Variants in COL11A1 observed in about 807,000 individuals in gnomAD.
COL11A1 encodes the protein collagen alpha-1(XI) chain.
Under a neutral mutation model 265.2 loss-of-function variants are expected in COL11A1, and 74 were observed. The ratio of observed to expected loss-of-function variants is 0.28; its 90% CI spans 0.23 to 0.34. The LOEUF (loss-of-function observed/expected upper bound fraction) is 0.34. Ranked by LOEUF, COL11A1 falls within the 10% of genes least tolerant of loss-of-function variation. The probability of loss-of-function intolerance (pLI) is 1.00; values close to 1 mark genes in which losing one functional copy is unlikely to be tolerated. For synonymous variants in COL11A1, 816 were observed against 727.6 expected (o/e 1.12, Z -1.96); for missense variants, 2,165 against 2,263.6 (o/e 0.96, Z 0.88).
chr1:103,077,109 A>T (rs1672034519), intron 3 of COL11A1, among the ~76,000 whole-genome samples: 1 of 152,150 alleles, frequency 6.6e-6, no homozygotes, highest in Non-Finnish European at 1.5e-5. Flanking sequence ...ACTACTAGGT[A>T]TTAACTGTAT....
chr1:103,021,995 C>T (rs569534739), intron 8 of COL11A1, among the ~76,000 whole-genome samples: 73 of 147,240 alleles, frequency 5.0e-4, no homozygotes, highest in Middle Eastern at 7.0e-3. Flanking sequence ...TACAGGCGCC[C>T]GCCACCACAC....
chr1:103,083,576 G>C (rs1174996881), intron 1 of COL11A1, among the ~76,000 whole-genome samples: 2 of 151,860 alleles, frequency 1.3e-5, no homozygotes, highest in African/African-American at 4.8e-5. Flanking sequence ...TTGAAAGAAA[G>C]GTGTTAAAAA....
chr1:102,939,238 G>T (rs1240501098), intron 43 of COL11A1, 150 bp from the exon 44 acceptor site: 7 of 711,976 alleles, frequency 9.8e-6, no homozygotes, highest in Non-Finnish European at 1.7e-5. Flanking sequence ...GGTTCCCACT[G>T]CTTCTAGCTT....
intron 4 of COL11A1, among the ~76,000 whole-genome samples, chr1:103,047,863 T>C (rs759103365): frequency 1.3e-5 from 2 of 152,212 alleles, no homozygotes; most frequent in Non-Finnish European, 2.9e-5. Context: ...GAGATAATCA[T>C]GTAGTTTTTG....
At chr1:103,098,124 C>T (rs537455151) in intron 1 of COL11A1, among the ~76,000 whole-genome samples, 1 of 152,020 alleles carries the variant, frequency 6.6e-6, no homozygotes, top group African/African-American at 2.4e-5. Context: ...AACCATTTGA[C>T]TTTAATACTG....
At chr1:102,898,355 T>A (rs952246987) in intron 56 of COL11A1, among the ~76,000 whole-genome samples, 177 bp from the exon 57 acceptor site, 1 of 151,838 alleles carries the variant, frequency 6.6e-6, no homozygotes, top group East Asian at 1.9e-4. Flanking sequence ...TATGTGTATA[T>A]GTCTATATTC....
At chr1:102,959,965 A>G (rs1418746663) in intron 41 of COL11A1, among the ~76,000 whole-genome samples, 4 of 152,158 alleles carry the variant, frequency 2.6e-5, no homozygotes, top group Non-Finnish European at 5.9e-5. Context: ...TAGAATCTGA[A>G]GGTCTGGTTA....
chr1:102,883,764 T>A (rs1302177554), intron 63 of COL11A1, among the ~76,000 whole-genome samples: 1 of 152,040 alleles, frequency 6.6e-6, no homozygotes, highest in African/African-American at 2.4e-5. Context: ...GGAGGTGATA[T>A]CGTATCTACT....
intron 41 of COL11A1, among the ~76,000 whole-genome samples, chr1:102,960,901 G>A (rs186152647): frequency 6.4e-4 from 97 of 152,158 alleles, no homozygotes; most frequent in African/African-American, 2.3e-3. Flanking sequence ...TATTCTATAG[G>A]TGAAACTGAC....
At chr1:103,044,124 T>A (rs956527124) in intron 4 of COL11A1, among the ~76,000 whole-genome samples, 1 of 151,234 alleles carries the variant, frequency 6.6e-6, no homozygotes, top group Non-Finnish European at 1.5e-5. Flanking sequence ...GCTTCCTGTC[T>A]ACTTAGAATT....
At chr1:103,029,009 G>A (rs1667776201) in intron 5 of COL11A1, among the ~76,000 whole-genome samples, 1 of 151,994 alleles carries the variant, frequency 6.6e-6, no homozygotes. Flanking sequence ...AAATTAAAAT[G>A]TGATGATATT....
At chr1:103,001,170 A>G (rs1665064468) in intron 24 of COL11A1, 2 of 397,680 alleles carry the variant, frequency 5.0e-6, no homozygotes, top group Middle Eastern at 6.2e-4. Flanking sequence ...CTGGAGTGGT[A>G]TAAGTATTCC....
intron 4 of COL11A1, among the ~76,000 whole-genome samples, chr1:103,042,171 G>A (rs1013819924): frequency 6.6e-6 from 1 of 151,764 alleles, no homozygotes; most frequent in Non-Finnish European, 1.5e-5. Context: ...TATTTATGGA[G>A]GCAAAGTATC....
chr1:102,997,773 A>G (rs886256491), intron 25 of COL11A1, among the ~76,000 whole-genome samples: 1 of 151,966 alleles, frequency 6.6e-6, no homozygotes, highest in Non-Finnish European at 1.5e-5. Flanking sequence ...TTCATTGTTT[A>G]TTACTATTTA....
chr1:103,005,719 T>A (rs1665534290), intron 18 of COL11A1, 119 bp downstream of exon 18: 1 of 1,136,932 alleles, frequency 8.8e-7, no homozygotes, highest in Non-Finnish European at 1.3e-6. Flanking sequence ...TATTAGATTA[T>A]TAAGTGGATT....
intron 1 of COL11A1, among the ~76,000 whole-genome samples, chr1:103,103,179 A>C (rs1023066946): frequency 4.6e-5 from 7 of 152,014 alleles, no homozygotes; most frequent in African/African-American, 1.7e-4. Context: ...TTAAAAAAAA[A>C]CTGTTAAACA....
Position 103,002,798 on chromosome 1 carries a change from T to C in COL11A1, c.1999-7A>G. 6.2e-7 allele frequency: 1 copy of C among 1,612,542 alleles called. No individual in the cohort carries two copies. The stretch of plus-strand genomic sequence containing the variant: ...CATCTACACCTGCCATACCCTGCAA[T>C]GAAGAAAAAGTATTTATGGTTGTTT... On this transcript the variant is annotated splice_region_variant and splice_polypyrimidine_tract_variant and intron_variant, in intron 21 of 66. Transcript: ENST00000370096.
Position 102,934,571 on chromosome 1 carries a change from GA to G in COL11A1, c.3493-16del. 2.5e-6 allele frequency: 4 copies of G among 1,587,556 alleles called. No homozygotes were observed. Among genetic ancestry groups the G allele is most frequent in the Non-Finnish European group, 3.5e-6 (4 of 1,155,872 alleles). ...CCATCACCTCCCTAGAGAAGAGAAAGAAACATTATCACAAACTGGAAAAAAT... is the reference window on the plus strand; with the variant it reads ...CCATCACCTCCCTAGAGAAGAGAAAGAACATTATCACAAACTGGAAAAAAT... On this transcript the variant is annotated splice_polypyrimidine_tract_variant and intron_variant, in intron 45 of 66. Transcript: ENST00000370096.
At chr1:102,941,908 T>G (rs1355292242) in intron 42 of COL11A1, among the ~76,000 whole-genome samples, 1 of 152,184 alleles carries the variant, frequency 6.6e-6, no homozygotes, top group Non-Finnish European at 1.5e-5. Context: ...CTCTGGCCTG[T>G]GGACCAGAGT....
Sources: allele counts gnomAD v4.1 joint callset (sites outside exome capture counted in the v4.1 genomes callset), GRCh38; gene constraint gnomAD v4.1.1; transcripts MANE v1.5; gene names NCBI Gene and HGNC (gene_info 2026-07-23, HGNC 2026-07-21).